TTC39C: variants seen among roughly 807,000 people sequenced by gnomAD.
TTC39C encodes tetratricopeptide repeat domain 39C.
In TTC39C, 33 loss-of-function variants were observed where a neutral mutation model predicts 76.3. That is an observed-to-expected ratio of 0.43 (90% CI 0.33 to 0.58). The LOEUF (loss-of-function observed/expected upper bound fraction) is 0.58, where lower values mean the gene tolerates loss of function less well. Among genes scored for constraint, TTC39C ranks in the 20% least tolerant of loss-of-function variants. TTC39C has a pLI of 0.04. For synonymous variants in TTC39C, 254 were observed against 260.6 expected, an observed-to-expected ratio of 0.97 and a Z score of 0.24; for missense variants, 595 against 701.4, an observed-to-expected ratio of 0.85 and a Z score of 1.71.
chr18:24,045,913 A>ATG (rs1215323392), intron 1 of TTC39C, among the ~76,000 whole-genome samples: 11,481 of 40,534 alleles, frequency 0.28, 1,419 homozygotes, highest in Non-Finnish European at 0.33. Flanking sequence ...ATATATATAT[A>ATG]TATATATATA....
chr18:24,017,302 G>A (rs2083464936), intron 1 of TTC39C, among the ~76,000 whole-genome samples: 1 of 152,194 alleles, frequency 6.6e-6, no homozygotes, highest in Non-Finnish European at 1.5e-5. Flanking sequence ...CCAGAGTCCT[G>A]CAACCTGGGT....
rs1374108853 is a variant in TTC39C at position 24,108,455 on chromosome 18, T to G, written c.985-6099T>G. On this transcript the variant is annotated intron_variant, in intron 6 of 13. Transcript: ENST00000317571. ...TTTTCGCAACTCTAGACATGGAAAC[T>G]TTTGCTGGGTAGCTGAGTTCAGCAA... 2.0e-5 allele frequency among the ~76,000 whole-genome samples: 3 copies of G among 152,322 alleles called. No individual in the cohort carries two copies. In the East Asian group the frequency reaches 5.8e-4, roughly 29 times the overall value.
Position 24,134,010 on chromosome 18 carries a change from C to G in TTC39C, c.*1436C>G, listed in dbSNP as rs2085166125. The G allele has an allele frequency of 6.5e-6, 1 of 153,492 alleles. No homozygotes were observed. Among genetic ancestry groups the G allele is most frequent in the African/African-American group, 2.4e-5 (1 of 41,460 alleles). The allele number at this position is 153,492 out of a possible 1,614,324, so 9.5% of individuals were successfully genotyped here. On this transcript the variant is annotated 3_prime_UTR_variant, in exon 14 of 14. Coordinates refer to ENST00000317571, the MANE Select transcript of TTC39C (RefSeq NM_001135993.2). ...TGTTTTGAGGGAATAGTCATAATTT[C>G]TTTGAAAGAAGTTATTTCTCACTGA...
chr18:24,062,176 G>T (rs190741999), intron 1 of TTC39C, among the ~76,000 whole-genome samples: 114 of 152,274 alleles, frequency 7.5e-4, no homozygotes, highest in Middle Eastern at 6.8e-3. Context: ...ATTAATTGCC[G>T]CAGCTCTCAG....
chr18:24,110,492 A>AATAT (rs948829182), intron 6 of TTC39C, among the ~76,000 whole-genome samples: 46 of 152,176 alleles, frequency 3.0e-4, no homozygotes, highest in South Asian at 8.3e-4. Context: ...AAGGAAATTA[A>AATAT]ATATATATAT....
chr18:24,032,633 G>A (rs945313576), intron 1 of TTC39C, among the ~76,000 whole-genome samples: 1 of 152,178 alleles, frequency 6.6e-6, no homozygotes, highest in African/African-American at 2.4e-5. Flanking sequence ...AGTTTTGACT[G>A]CATTTTGACT....
chr18:24,074,766 A>G (rs1019643283), intron 4 of TTC39C, among the ~76,000 whole-genome samples: 2 of 152,220 alleles, frequency 1.3e-5, no homozygotes, highest in Non-Finnish European at 2.9e-5. Context: ...ATCTAGAACT[A>G]GAAATACCAT....
At chr18:24,017,436 T>C (rs1255238803) in intron 1 of TTC39C, among the ~76,000 whole-genome samples, 1 of 152,176 alleles carries the variant, frequency 6.6e-6, no homozygotes, top group African/African-American at 2.4e-5. Context: ...TGAAAAGAAA[T>C]AATCCATGGC....
chr18:24,026,447 C>T (rs970690168), intron 1 of TTC39C, among the ~76,000 whole-genome samples: 1 of 152,106 alleles, frequency 6.6e-6, no homozygotes, highest in African/African-American at 2.4e-5. Context: ...GGGTCAGATG[C>T]TTCATGGTTT....
At chr18:24,086,271 CTG>C (rs1329660580) in intron 6 of TTC39C, among the ~76,000 whole-genome samples, 1 of 152,162 alleles carries the variant, frequency 6.6e-6, no homozygotes, top group African/African-American at 2.4e-5. Context: ...GACTCAGAAT[CTG>C]TGAAATTATT....
intron 1 of TTC39C, among the ~76,000 whole-genome samples, chr18:23,995,427 A>G (rs896711408): frequency 6.6e-6 from 1 of 152,178 alleles, no homozygotes; most frequent in African/African-American, 2.4e-5. Context: ...CCAAGACTGC[A>G]CCACTGCACT....
chr18:24,026,623 C>T (rs1370804787), intron 1 of TTC39C, among the ~76,000 whole-genome samples: 1 of 152,182 alleles, frequency 6.6e-6, no homozygotes, highest in Non-Finnish European at 1.5e-5. Flanking sequence ...GTTTTACATG[C>T]TCAGGTGCAC....
At chr18:24,048,720 TA>T (rs141928032) in intron 1 of TTC39C, among the ~76,000 whole-genome samples, 2,862 of 152,318 alleles carry the variant, frequency 0.019, 80 homozygotes, top group African/African-American at 0.065. Context: ...ATAAGTGCTA[TA>T]TTTACCTTTT....
intron 6 of TTC39C, among the ~76,000 whole-genome samples, chr18:24,099,008 T>TGC (rs1351255077): frequency 7.4e-6 from 1 of 134,556 alleles, no homozygotes; most frequent in African/African-American, 2.8e-5. Context: ...TAGAGGAATG[T>TGC]GTGTGTGTGT....
chr18:23,993,934 C>T (rs954347937), intron 1 of TTC39C, among the ~76,000 whole-genome samples: 2 of 152,146 alleles, frequency 1.3e-5, no homozygotes, highest in Admixed American at 6.5e-5. Flanking sequence ...TATGACATCA[C>T]CAACAATCAT....
chr18:24,059,981 G>A (rs2084072665), intron 1 of TTC39C, among the ~76,000 whole-genome samples: 1 of 152,146 alleles, frequency 6.6e-6, no homozygotes, highest in Non-Finnish European at 1.5e-5. Context: ...CAGATCTCAT[G>A]AGGCTTATTC....
chr18:23,995,706 G>A (rs1424354565), intron 1 of TTC39C, among the ~76,000 whole-genome samples: 2 of 150,346 alleles, frequency 1.3e-5, no homozygotes, highest in South Asian at 2.1e-4. Context: ...CATCTCTGCC[G>A]GAAAAAAAAA....
At chr18:24,055,042 A>C (rs1484629649) in intron 1 of TTC39C, among the ~76,000 whole-genome samples, 4 of 152,216 alleles carry the variant, frequency 2.6e-5, no homozygotes, top group African/African-American at 9.6e-5. Flanking sequence ...TTATGTCCAC[A>C]AGGTTCATCC....
chr18:24,011,758 G>A (rs1040731650), upstream of TTC39C, among the ~76,000 whole-genome samples: 1 of 152,268 alleles, frequency 6.6e-6, no homozygotes, highest in Middle Eastern at 3.4e-3. Context: ...GAAAGGAAGT[G>A]GGTTATTTCC....
Sources: allele counts gnomAD v4.1 joint callset (sites outside exome capture counted in the v4.1 genomes callset), GRCh38; gene constraint gnomAD v4.1.1; transcripts MANE v1.5; gene names NCBI Gene and HGNC (gene_info 2026-07-23, HGNC 2026-07-21).